Variants in MAST1 observed in about 807,000 individuals in gnomAD.
The protein encoded by MAST1 is microtubule associated serine/threonine kinase 1, also known as microtubule-associated serine/threonine-protein kinase 1.
A neutral mutation model predicts 124.6 loss-of-function variants in MAST1; 40 were observed. The observed-to-expected ratio is 0.32, with a 90% CI of 0.25 to 0.42. The LOEUF is 0.42. Among genes scored for constraint, MAST1 ranks in the 10% least tolerant of loss-of-function variants. The pLI is 1.00. For synonymous variants in MAST1, 938 were observed against 939.4 expected (o/e 1.00, Z 0.03); for missense variants, 1,558 against 2,181.9 (o/e 0.71, Z 5.70).
At position 12,858,974 on chromosome 19, in the gene MAST1, A is replaced by C. The variant is rs951912881; in HGVS notation, c.1366+235A>C. ...AGCATAAAAACATTCAGTCTGACCC[A>C]TTATCCATCCATCTATCCTTCTATC... is the stretch of plus-strand genomic sequence containing the variant. On this transcript the variant is annotated intron_variant, in intron 12 of 25. Coordinates refer to ENST00000251472, the MANE Select transcript of MAST1 (RefSeq NM_014975.3). The C allele has an allele frequency of 1.2e-5, 7 of 597,264 alleles. No individual in the cohort carries two copies. In the East Asian group the frequency reaches 1.9e-4, roughly 16 times the overall value. The allele number at this position is 597,264 out of a possible 1,614,324, so 37.0% of individuals were successfully genotyped here.
Position 12,847,231 on chromosome 19 carries a change from G to A in MAST1, c.328-59G>A. 1.7e-6 allele frequency: 2 copies of A among 1,186,854 alleles called. No individual in the cohort carries two copies. The highest frequency in any genetic ancestry group is 2.5e-6 in the Non-Finnish European group (2 of 811,290). 73.5% of individuals were successfully genotyped at this position (1,186,854 alleles called of 1,614,324 possible). A position where few individuals can be genotyped will look rare whatever the true frequency, so the allele number is the denominator to read the frequency against. On this transcript the variant is annotated intron_variant, in intron 4 of 25. Transcript: ENST00000251472. This position sits in a 1 kb window ranked among gnomAD's most constrained non-coding sequence, Gnocchi z 5.5. ...TCGGCTTTGGGAGTCCCAGCTCAGG[G>A]TCCTGAGCTGTTGGGGGGCCCATGG... is the stretch of plus-strand genomic sequence containing the variant.
Position 12,847,608 on chromosome 19 carries a change from G to A in MAST1, c.489-4G>A, listed in dbSNP as rs1453710992. 6.2e-7 allele frequency: 1 copy of A among 1,614,004 alleles called. No homozygotes were observed. Among genetic ancestry groups the A allele is most frequent in the Non-Finnish European group, 8.5e-7 (1 of 1,179,968 alleles). Reference sequence around the variant, plus strand: ...CTCGACAAAATGGGCTTCTCTCCCCGCAGCCCCGGGCGCTCCCCCTCCTCC... The same window carrying A: ...CTCGACAAAATGGGCTTCTCTCCCCACAGCCCCGGGCGCTCCCCCTCCTCC... On this transcript the variant is annotated splice_region_variant and splice_polypyrimidine_tract_variant and intron_variant, in intron 5 of 25. Coordinates refer to ENST00000251472, the MANE Select transcript of MAST1 (RefSeq NM_014975.3). This position sits in a 1 kb window ranked among gnomAD's most constrained non-coding sequence, Gnocchi z 5.5.
chr19:12,843,562 C>T lies in MAST1; in HGVS notation c.282C>T (p.Leu94=), dbSNP rs983340346. Residue 94 remains leucine, a synonymous_variant, in exon 4 of 26, where the codon CTC becomes CTT. Coordinates refer to ENST00000251472, the MANE Select transcript of MAST1 (RefSeq NM_014975.3). The surrounding 1 kb of genome is among the most constrained non-coding windows in gnomAD (Gnocchi z 4.9). ...GACGCCGGTGGTCTCTGGCCTCGCT[C>T]CCTTCATCTGGCTATGGCACCAACA... ...ADGRRWSLAS[L]PSSGYGTNTP... The T allele has an allele frequency of 6.2e-7, 1 of 1,613,570 alleles. No individual in the cohort carries two copies. Among genetic ancestry groups the T allele is most frequent in the Admixed American group, 1.7e-5 (1 of 59,990 alleles).
chr19:12,867,348 C>A, intron 18 of MAST1, 126 bp from the exon 19 acceptor site: 1 of 1,062,222 alleles, frequency 9.4e-7, no homozygotes, highest in Non-Finnish European at 1.4e-6. Flanking sequence ...GGATCATGCA[C>A]AATTGGGCGG....
chr19:12,840,455 C>A lies in MAST1; in HGVS notation c.93C>A (p.Thr31=). 6.2e-7 allele frequency: 1 copy of A among 1,613,082 alleles called. No individual in the cohort carries two copies. Among genetic ancestry groups the A allele is most frequent in the Non-Finnish European group, 8.5e-7 (1 of 1,179,256 alleles). The part of the protein sequence containing the change: ...SMFRRTKSCR[T]SNRKSLILTS... ...CTTACCTTCCCCGCAGCTGCCGCAC[C>A]AGTAATCGGAAAAGCCTCATCCTGA... The change falls in exon 2 of 26, where the codon ACC becomes ACA. Residue 31 remains threonine (T), a synonymous_variant. Transcript: ENST00000251472.
intron 20 of MAST1, 91 bp from the exon 21 acceptor site, chr19:12,868,552 A>G (rs1317259278): frequency 4.2e-6 from 5 of 1,181,420 alleles, no homozygotes; most frequent in Non-Finnish European, 6.0e-6. Flanking sequence ...ATCAAGGGTA[A>G]AAAGTGGAAA....
chr19:12,861,680 C>CTCTT (rs3064403), intron 12 of MAST1, among the ~76,000 whole-genome samples: 42,564 of 143,260 alleles, frequency 0.3, 6,739 homozygotes, highest in Middle Eastern at 0.4. Context: ...TTCTTTTTCT[C>CTCTT]TCTTTCTTTC....
intron 7 of MAST1, among the ~76,000 whole-genome samples, chr19:12,851,165 C>T (rs1476152965): frequency 1.3e-5 from 2 of 151,950 alleles, no homozygotes; most frequent in Non-Finnish European, 2.9e-5. Flanking sequence ...GCAGGCTGGT[C>T]TCAAACCCCT....
rs1461107147 is a variant in MAST1 at position 12,840,978 on chromosome 19, C to G, written c.173-13C>G. ...AGAGACCTGACAGGATTTGCCCCCT[C>G]TTTCTCTCATAGGCAGCAGTCCCCT... On this transcript the variant is annotated splice_polypyrimidine_tract_variant and intron_variant, in intron 2 of 25. Transcript: ENST00000251472. The G allele has an allele frequency of 9.2e-7, 1 of 1,084,938 alleles. No individual in the cohort carries two copies. Among genetic ancestry groups the G allele is most frequent in the East Asian group, 2.3e-5 (1 of 42,622 alleles). 67.2% of individuals were successfully genotyped at this position (1,084,938 alleles called of 1,614,324 possible).
chr19:12,842,241 T>A (rs1969838811), intron 3 of MAST1, among the ~76,000 whole-genome samples: 1 of 151,308 alleles, frequency 6.6e-6, no homozygotes, highest in Middle Eastern at 3.4e-3. Flanking sequence ...TGTGTGGCTG[T>A]GAGATAGTAA....
At position 12,866,254 on chromosome 19, in the gene MAST1, T is replaced by C; in HGVS notation, c.2029+152T>C. 1 of 118,174 alleles carries C rather than the reference T, an allele frequency of 8.5e-6. No individual in the cohort carries two copies. Among genetic ancestry groups the C allele is most frequent in the Non-Finnish European group, 1.4e-5 (1 of 73,238 alleles). 7.3% of individuals were successfully genotyped at this position (118,174 alleles called of 1,614,324 possible). The stretch of plus-strand genomic sequence containing the variant: ...GTATTTTGGTGGGGGCGGGGCCAAG[T>C]GGGGCGGGGCTGACATACAGGCGGG... On this transcript the variant is annotated intron_variant, in intron 17 of 25. Coordinates refer to ENST00000251472, the MANE Select transcript of MAST1 (RefSeq NM_014975.3). This position sits in a 1 kb window ranked among gnomAD's most constrained non-coding sequence, Gnocchi z 5.2.
intron 22 of MAST1, 55 bp downstream of exon 22, chr19:12,869,350 G>A: frequency 4.1e-6 from 6 of 1,458,048 alleles, no homozygotes; most frequent in African/African-American, 1.4e-5. Flanking sequence ...TGGGGAAAAG[G>A]CCCCTCCAGC....
intron 4 of MAST1, among the ~76,000 whole-genome samples, chr19:12,846,360 T>C (rs1301922285): frequency 1.3e-5 from 2 of 151,938 alleles, no homozygotes; most frequent in African/African-American, 4.8e-5. Flanking sequence ...GTGGAGACCC[T>C]TCTCTAAAAT....
rs749853032 is a variant in MAST1 at position 12,838,608 on chromosome 19, C to A, written c.36C>A (p.Phe12Leu). 2 of 1,610,192 alleles carry A rather than the reference C, an allele frequency of 1.2e-6. No individual in the cohort carries two copies. Among genetic ancestry groups the A allele is most frequent in the African/African-American group, 1.3e-5 (1 of 74,354 alleles). The change falls in exon 1 of 26, where the codon TTC (phenylalanine) becomes TTA (leucine). Residue 12 changes from phenylalanine to leucine, a missense_variant. Coordinates refer to ENST00000251472, the MANE Select transcript of MAST1 (RefSeq NM_014975.3). The surrounding 1 kb of genome is among the most constrained non-coding windows in gnomAD (Gnocchi z 4.3). ...CTCTCTGGACCGCGCTTTCTAATTT[C>A]TCGATGCCCTCCTTCCCCGGCGGCA... is the stretch of plus-strand genomic sequence containing the variant. ...SDSLWTALSNFSMPSFPGGSM... is the reference protein window; with the variant it reads ...SDSLWTALSNLSMPSFPGGSM...
In MAST1 at chr19:12,851,973, A is replaced by G; in HGVS notation, c.814A>G (p.Thr272Ala). 1 of 1,614,038 alleles carries G rather than the reference A, an allele frequency of 6.2e-7. No individual in the cohort carries two copies. The highest frequency in any genetic ancestry group is 8.5e-7 in the Non-Finnish European group (1 of 1,180,020). Residue 272 changes from threonine to alanine, a missense_variant, in exon 8 of 26, where the codon ACT becomes GCT. Thr to Ala is a moderately conservative substitution (Grantham distance 58, BLOSUM62 0). This residue lies in a region of MAST1 where 165 missense variants were observed against 315.3 expected (regional missense o/e 0.52). Transcript: ENST00000251472. ...TGAGAGCTTGGAGGTGGCCTTCGTT[A>G]CTCAGCTGGTGAAGAAGTTGCTTAT... ...RSESLEVAFV[T>A]QLVKKLLIII...
Position 12,869,314 on chromosome 19 carries a change from A to G in MAST1, c.3003+19A>G. ...TGTCTGGGTGAGTACTCATGGGTGG[A>G]GTCTCCATCACAGAGTGGAGGGTGG... is the stretch of plus-strand genomic sequence containing the variant. On this transcript the variant is annotated intron_variant, in intron 22 of 25. Coordinates refer to ENST00000251472, the MANE Select transcript of MAST1 (RefSeq NM_014975.3). 6.3e-7 allele frequency: 1 copy of G among 1,598,912 alleles called. No homozygotes were observed. Among genetic ancestry groups the G allele is most frequent in the Non-Finnish European group, 8.5e-7 (1 of 1,170,106 alleles).
Position 12,867,641 on chromosome 19 carries a change from C to A in MAST1, c.2307C>A (p.Gly769=), listed in dbSNP as rs758545036. The change falls in exon 19 of 26, where the codon GGC becomes GGA. Residue 769 remains glycine (G), a synonymous_variant. Coordinates refer to ENST00000251472, the MANE Select transcript of MAST1 (RefSeq NM_014975.3). ...TGCGTGAGAAGACCTGGAGAGGGGG[C>A]TCTCCGGAGATGTGAGCAGGGGAAT... is the stretch of plus-strand genomic sequence containing the variant. ...LTLREKTWRG[G]SPEIKRFSAS... The A allele has an allele frequency of 2.3e-5, 36 of 1,598,582 alleles. No homozygotes were observed. The highest frequency in any genetic ancestry group is 2.9e-5 in the Non-Finnish European group (34 of 1,173,066).
chr19:12,840,887 C>T (rs1165567997), intron 2 of MAST1, 104 bp from the exon 3 acceptor site: 5 of 779,908 alleles, frequency 6.4e-6, no homozygotes, highest in African/African-American at 5.1e-5. Context: ...GCGTGGTCTC[C>T]CCATAATAGG....
At position 12,874,083 on chromosome 19, in the gene MAST1, A is replaced by G. The variant is rs1259793185; in HGVS notation, c.3926A>G (p.Glu1309Gly). The G allele has an allele frequency of 1.3e-6, 2 of 1,576,744 alleles. No homozygotes were observed. Among genetic ancestry groups the G allele is most frequent in the Admixed American group, 1.9e-5 (1 of 53,408 alleles). ...HGELALHSLAESDGETPPVEG... is the reference protein window; with the variant it reads ...HGELALHSLAGSDGETPPVEG... ...GAGCTGGCGCTGCATAGCCTTGCCG[A>G]GTCCGACGGTGAGACGCCCCCAGTC... Residue 1309 changes from glutamate to glycine, a missense_variant, in exon 26 of 26, where the codon GAG becomes GGG. Transcript: ENST00000251472. This position sits in a 1 kb window ranked among gnomAD's most constrained non-coding sequence, Gnocchi z 6.6.
Sources: allele counts gnomAD v4.1 joint callset (sites outside exome capture counted in the v4.1 genomes callset), GRCh38; gene constraint gnomAD v4.1.1; regional missense constraint gnomAD v4.1.1; non-coding constraint Gnocchi (gnomAD v3.1); transcripts MANE v1.5; gene names NCBI Gene and HGNC (gene_info 2026-07-23, HGNC 2026-07-21).